The following EPHA6 variants were observed in gnomAD, a reference collection of about 807,000 sequenced individuals.
EPHA6 encodes the protein ephrin type-A receptor 6.
Under a neutral mutation model 112.0 loss-of-function variants are expected in EPHA6, and 50 were observed. The ratio of observed to expected loss-of-function variants is 0.45; its 90% confidence interval spans 0.36 to 0.56. EPHA6 has a LOEUF of 0.56. Ranked by LOEUF, EPHA6 falls within the 20% of genes least tolerant of loss-of-function variation. The probability of loss-of-function intolerance (pLI) is 0.00; values close to 1 mark genes in which losing one functional copy is unlikely to be tolerated. For synonymous variants in EPHA6, 529 were observed against 490.7 expected (o/e 1.08, Z -1.03); for missense variants, 1,280 against 1,417.4 (o/e 0.90, Z 1.56).
intron 11 of EPHA6, among the ~76,000 whole-genome samples, chr3:97,588,943 T>G (rs1322214922): frequency 2.0e-5 from 3 of 152,296 alleles, no homozygotes; most frequent in African/African-American, 7.2e-5. Flanking sequence ...TATGCAAATG[T>G]TTAATGATCC....
intron 3 of EPHA6, among the ~76,000 whole-genome samples, chr3:97,105,745 A>G (rs934032266): frequency 6.6e-6 from 1 of 152,134 alleles, no homozygotes; most frequent in Non-Finnish European, 1.5e-5. Flanking sequence ...AAATACTGCC[A>G]GTGGAATGTT....
intron 12 of EPHA6, among the ~76,000 whole-genome samples, chr3:97,599,145 C>A (rs1481567884): frequency 6.6e-6 from 1 of 151,940 alleles, no homozygotes; most frequent in Admixed American, 6.6e-5. Context: ...TGTTTGAGTT[C>A]ATTGTAGATT....
intron 15 of EPHA6, 73 bp downstream of exon 15, chr3:97,720,483 T>C (rs1331448012): frequency 2.6e-5 from 36 of 1,369,248 alleles, no homozygotes; most frequent in Non-Finnish European, 3.4e-5. Context: ...ATTATGCCTT[T>C]TGTCCTCACT....
intron 3 of EPHA6, among the ~76,000 whole-genome samples, chr3:97,128,921 T>C (rs2048259863): frequency 6.8e-6 from 1 of 147,774 alleles, no homozygotes; most frequent in African/African-American, 2.5e-5. Context: ...TCACCCAGGC[T>C]GAAGTGCAGT....
intron 2 of EPHA6, among the ~76,000 whole-genome samples, chr3:96,932,239 C>T (rs184999006): frequency 1.3e-5 from 2 of 152,248 alleles, no homozygotes; most frequent in East Asian, 3.9e-4. Flanking sequence ...GTACTATATT[C>T]ATTCACCCCT....
intron 13 of EPHA6, among the ~76,000 whole-genome samples, chr3:97,626,844 G>C (rs1224035965): frequency 6.6e-6 from 1 of 151,798 alleles, no homozygotes; most frequent in Non-Finnish European, 1.5e-5. Context: ...TCTCTGGAGA[G>C]CAGGTTTACC....
At chr3:97,411,107 G>A (rs1160986780) in intron 6 of EPHA6, among the ~76,000 whole-genome samples, 1 of 151,508 alleles carries the variant, frequency 6.6e-6, no homozygotes, top group Non-Finnish European at 1.5e-5. Context: ...TTAGATGTGA[G>A]CATTTGGTAC....
intron 3 of EPHA6, among the ~76,000 whole-genome samples, chr3:97,183,328 G>T (rs2077041059): frequency 6.6e-6 from 1 of 151,940 alleles, no homozygotes; most frequent in Admixed American, 6.6e-5. Flanking sequence ...ATTATCACTA[G>T]ATGTGAAATA....
intron 13 of EPHA6, among the ~76,000 whole-genome samples, chr3:97,629,645 T>C (rs1343695779): frequency 6.6e-6 from 1 of 151,996 alleles, no homozygotes; most frequent in Non-Finnish European, 1.5e-5. Context: ...TTTCCTGAAC[T>C]CCTCTATGGT....
rs1420241986 is a variant in EPHA6 at position 97,749,583 on chromosome 3, T to C, written c.*882T>C. Reference sequence around the variant, plus strand: ...GATAAATCCATGACTATTTCCTTTGTGCATTGTCACAAGTTTGCAAAAGCA... The same window carrying C: ...GATAAATCCATGACTATTTCCTTTGCGCATTGTCACAAGTTTGCAAAAGCA... On this transcript the variant is annotated 3_prime_UTR_variant, in exon 18 of 18. Coordinates refer to ENST00000389672, the MANE Select transcript of EPHA6 (RefSeq NM_001080448.3). Among the ~76,000 whole-genome samples, 1 of 152,188 alleles carries C rather than the reference T, an allele frequency of 6.6e-6. No individual in the cohort carries two copies. Among genetic ancestry groups the C allele is most frequent in the East Asian group, 1.9e-4 (1 of 5,196 alleles).
chr3:96,876,110 C>A (rs1192569935), intron 2 of EPHA6, among the ~76,000 whole-genome samples: 4 of 149,030 alleles, frequency 2.7e-5, no homozygotes, highest in African/African-American at 9.9e-5. Context: ...GAAACCCTAA[C>A]ATATTATTAA....
intron 5 of EPHA6, among the ~76,000 whole-genome samples, chr3:97,268,712 T>A (rs187651583): frequency 4.0e-4 from 61 of 152,312 alleles, no homozygotes; most frequent in African/African-American, 1.4e-3. Flanking sequence ...TATACTTGAA[T>A]GTTTAATACA....
chr3:97,435,624 C>G (rs9812888), intron 6 of EPHA6, among the ~76,000 whole-genome samples: 2 of 152,124 alleles, frequency 1.3e-5, no homozygotes, highest in African/African-American at 4.8e-5. Flanking sequence ...GCTCCCAGAC[C>G]CCTAAATACA....
At chr3:97,707,766 A>C (rs886242899) in intron 14 of EPHA6, among the ~76,000 whole-genome samples, 5 of 152,154 alleles carry the variant, frequency 3.3e-5, no homozygotes, top group African/African-American at 1.2e-4. Flanking sequence ...TCATGGGACC[A>C]GTTTCCCCCA....
At chr3:97,227,969 G>A (rs778254573) in intron 4 of EPHA6, among the ~76,000 whole-genome samples, 12 of 152,088 alleles carry the variant, frequency 7.9e-5, no homozygotes, top group African/African-American at 2.2e-4. Context: ...TGATATCAGC[G>A]GTGGAGTGGG....
In EPHA6 at chr3:97,730,531, C is replaced by A. The variant is rs1449173528; in HGVS notation, c.2935-5394C>A. Among the ~76,000 whole-genome samples, 3 of 151,970 alleles carry A rather than the reference C, an allele frequency of 2.0e-5. No individual in the cohort carries two copies. In the East Asian group the frequency reaches 5.8e-4, roughly 29 times the overall value. On this transcript the variant is annotated intron_variant, in intron 15 of 17. Coordinates refer to ENST00000389672, the MANE Select transcript of EPHA6 (RefSeq NM_001080448.3). ...ATGACAGCCTACAAATATCATAAAA[C>A]CAAACTGTTAAAAAATTCTCTCTAG...
At chr3:97,275,374 T>C (rs995394183) in intron 5 of EPHA6, among the ~76,000 whole-genome samples, 40 of 152,190 alleles carry the variant, frequency 2.6e-4, no homozygotes, top group African/African-American at 9.7e-4. Context: ...GGTAATTTGC[T>C]GAGCCTGATG....
intron 11 of EPHA6, among the ~76,000 whole-genome samples, chr3:97,576,340 A>C (rs9832081): frequency 0.26 from 39,407 of 151,880 alleles, 7,572 homozygotes; most frequent in African/African-American, 0.53. Flanking sequence ...TCATGGGTAT[A>C]TTACCATCGT....
At chr3:96,952,695 GT>G (rs1487780328) in intron 2 of EPHA6, among the ~76,000 whole-genome samples, 2 of 152,160 alleles carry the variant, frequency 1.3e-5, no homozygotes, top group Non-Finnish European at 2.9e-5. Context: ...CAGATGCATA[GT>G]TTGCAAAAGT....
Sources: allele counts gnomAD v4.1 joint callset (sites outside exome capture counted in the v4.1 genomes callset), GRCh38; gene constraint gnomAD v4.1.1; transcripts MANE v1.5; gene names NCBI Gene and HGNC (gene_info 2026-07-23, HGNC 2026-07-21).